The following SRGAP3 variants were observed in gnomAD, a reference collection of about 807,000 sequenced individuals.
The protein encoded by SRGAP3 is SLIT-ROBO Rho GTPase activating protein 3.
Under a neutral mutation model 121.1 loss-of-function variants are expected in SRGAP3, and 39 were observed. That is an observed-to-expected ratio of 0.32 (90% confidence interval 0.25 to 0.42). The LOEUF (loss-of-function observed/expected upper bound fraction) is 0.42, where lower values mean the gene tolerates loss of function less well. Among genes scored for constraint, SRGAP3 ranks in the 10% least tolerant of loss-of-function variants. SRGAP3 has a pLI of 1.00. For synonymous variants in SRGAP3, 601 were observed against 570.0 expected (o/e 1.05, Z -0.77); for missense variants, 1,213 against 1,470.6 (o/e 0.82, Z 2.86).
chr3:9,010,226 C>A (rs761339182), intron 18 of SRGAP3, 82 bp downstream of exon 18: 2 of 1,491,458 alleles, frequency 1.3e-6, no homozygotes, highest in East Asian at 4.6e-5. Flanking sequence ...TCTATGTGGG[C>A]CAGCCCTGTG....
intron 18 of SRGAP3, among the ~76,000 whole-genome samples, chr3:8,997,061 C>T (rs1942450107): frequency 6.6e-6 from 1 of 152,120 alleles, no homozygotes; most frequent in South Asian, 2.1e-4. Context: ...AGAGAAAGCA[C>T]GTGTGTTTGC....
chr3:9,169,406 G>T (rs1950898620), intron 1 of SRGAP3, among the ~76,000 whole-genome samples: 2 of 152,200 alleles, frequency 1.3e-5, no homozygotes, highest in Non-Finnish European at 2.9e-5. Flanking sequence ...AACTGCTCTT[G>T]ATGGGTGAGT....
intron 2 of SRGAP3, among the ~76,000 whole-genome samples, chr3:9,123,732 ATGTGTGTGTGTG>A (rs532602901): frequency 1.4e-5 from 2 of 139,118 alleles, no homozygotes; most frequent in Non-Finnish European, 3.0e-5. Flanking sequence ...ATATGTATAT[ATGTGTGTGTGTG>A]TGTGTGTGTG....
chr3:8,994,150 G>A (rs1942245150), intron 19 of SRGAP3, 193 bp downstream of exon 19: 1 of 748,114 alleles, frequency 1.3e-6, no homozygotes, highest in African/African-American at 1.7e-5. Context: ...CTCAGAAGGA[G>A]GAATTTGGAT....
intron 1 of SRGAP3, among the ~76,000 whole-genome samples, chr3:9,201,973 T>C (rs1952081844): frequency 1.3e-5 from 2 of 152,066 alleles, no homozygotes; most frequent in African/African-American, 4.8e-5. Context: ...GGCTTCAAAC[T>C]CAGGCCTTTC....
intron 3 of SRGAP3, among the ~76,000 whole-genome samples, chr3:9,309,998 C>T (rs1467730678): frequency 1.3e-5 from 2 of 152,188 alleles, no homozygotes; most frequent in African/African-American, 4.8e-5. Flanking sequence ...AGAGAGGACC[C>T]TGACATCTAC....
At chr3:9,165,682 C>G (rs1249356059) in intron 1 of SRGAP3, among the ~76,000 whole-genome samples, 23 of 152,154 alleles carry the variant, frequency 1.5e-4, no homozygotes, top group Admixed American at 1.5e-3. Flanking sequence ...TCCTCCTCCT[C>G]CTTGCCACCT....
Position 8,985,388 on chromosome 3 carries a change from CAG to C in SRGAP3, c.*129_*130del. 1 of 1,483,584 alleles carries C rather than the reference CAG, an allele frequency of 6.7e-7. No individual in the cohort carries two copies. The highest frequency in any genetic ancestry group is 8.9e-7 in the Non-Finnish European group (1 of 1,122,286). 91.9% of individuals were successfully genotyped at this position (1,483,584 alleles called of 1,614,324 possible). On this transcript the variant is annotated 3_prime_UTR_variant, in exon 22 of 22. Transcript: ENST00000383836. The surrounding 1 kb of genome is among the most constrained non-coding windows in gnomAD (Gnocchi z 5.1). ...CCAGCGCCCGGGCCTCAGCTCTGCA[CAG>C]ACACACCCTCCCAGACGGACCTCTG...
At chr3:9,242,129 T>C (rs2125238160) in intron 1 of SRGAP3, among the ~76,000 whole-genome samples, 1 of 147,432 alleles carries the variant, frequency 6.8e-6, no homozygotes, top group South Asian at 2.2e-4. Flanking sequence ...GAGATTTCTC[T>C]CTCTCCATAA....
chr3:9,121,010 T>C (rs935698190), intron 2 of SRGAP3, among the ~76,000 whole-genome samples: 7 of 152,052 alleles, frequency 4.6e-5, no homozygotes, highest in Non-Finnish European at 8.8e-5. Context: ...GGAGGAGCAA[T>C]AGACTCGGAG....
At chr3:9,244,098 G>A (rs187537593) in intron 1 of SRGAP3, among the ~76,000 whole-genome samples, 34 of 152,272 alleles carry the variant, frequency 2.2e-4, no homozygotes, top group Admixed American at 1.6e-3. Context: ...TGAAACCAGC[G>A]AGCATTCCTA....
chr3:8,984,300 C>T lies in SRGAP3; in HGVS notation c.*1219G>A, dbSNP rs1372723357. 1 of 230,396 alleles carries T rather than the reference C, an allele frequency of 4.3e-6. No homozygotes were observed. Among genetic ancestry groups the T allele is most frequent in the Non-Finnish European group, 8.6e-6 (1 of 116,356 alleles). 14.3% of individuals were successfully genotyped at this position (230,396 alleles called of 1,614,324 possible). ...CTGGCCCCAGTCTGAACTGGGCGCT[C>T]ACGGCTCATGCGTTTCATGCAAGAC... On this transcript the variant is annotated 3_prime_UTR_variant, in exon 22 of 22. Coordinates refer to ENST00000383836, the MANE Select transcript of SRGAP3 (RefSeq NM_014850.4).
chr3:9,349,060 G>A lies in SRGAP3; in HGVS notation n.214+13780C>T, dbSNP rs1237639726. 5.2e-6 allele frequency: 5 copies of A among 967,842 alleles called. No homozygotes were observed. The Admixed American group carries it at 8.5e-5, about 17-fold the overall frequency. 60.0% of individuals were successfully genotyped at this position (967,842 alleles called of 1,614,324 possible). A position where few individuals can be genotyped will look rare whatever the true frequency, so the allele number is the denominator to read the frequency against. On this transcript the variant is annotated intron_variant and non_coding_transcript_variant, in intron 1 of 3. Coordinates refer to the SRGAP3 transcript ENST00000490889. ...TCTCTGAAGAGGCTATCATGGAGCT[G>A]AACCTGCCCACTGGTATTCCCGTTG...
At chr3:9,143,511 T>C (rs1272625359) in intron 1 of SRGAP3, among the ~76,000 whole-genome samples, 2 of 152,250 alleles carry the variant, frequency 1.3e-5, no homozygotes, top group South Asian at 2.1e-4. Flanking sequence ...GAATTTTGCA[T>C]TGCAGTTTCC....
intron 3 of SRGAP3, among the ~76,000 whole-genome samples, chr3:9,284,039 T>C (rs1475877687): frequency 3.3e-5 from 5 of 152,124 alleles, no homozygotes; most frequent in African/African-American, 1.2e-4. Flanking sequence ...CAACTAAGGA[T>C]GTGCAACAAA....
At chr3:9,031,325 A>G (rs1382718756) in intron 12 of SRGAP3, among the ~76,000 whole-genome samples, 1 of 152,164 alleles carries the variant, frequency 6.6e-6, no homozygotes, top group African/African-American at 2.4e-5. Flanking sequence ...GAGGATGGAG[A>G]CAGAGGATTC....
intron 2 of SRGAP3, among the ~76,000 whole-genome samples, chr3:9,329,821 A>G (rs568437587): frequency 4.7e-4 from 72 of 152,278 alleles, no homozygotes; most frequent in African/African-American, 1.7e-3. Flanking sequence ...GATCCTGTAC[A>G]TGCCTAATCC....
chr3:9,025,022 T>C (rs929035834), intron 14 of SRGAP3, among the ~76,000 whole-genome samples: 5 of 152,204 alleles, frequency 3.3e-5, no homozygotes, highest in African/African-American at 7.2e-5. Context: ...GTTAACTCTT[T>C]GGCAGGTAAC....
chr3:9,013,836 T>G lies in SRGAP3; in HGVS notation c.1820A>C (p.Glu607Ala), dbSNP rs774754553. 1 of 1,614,164 alleles carries G rather than the reference T, an allele frequency of 6.2e-7. No individual in the cohort carries two copies. Among genetic ancestry groups the G allele is most frequent in the Non-Finnish European group, 8.5e-7 (1 of 1,180,010 alleles). Reference protein sequence around the residue: ...FQDLISTIKLENPAERVHQIQ... With the variant: ...FQDLISTIKLANPAERVHQIQ... ...CTGGTGCACCCTCTCGGCTGGGTTC[T>G]CCAGTTCTGTAACATAAAGGGGCCT... Residue 607 changes from glutamate (E) to alanine (A), a missense_variant, in exon 16 of 22, where the codon GAG becomes GCG. Physicochemically the swap from Glu to Ala is moderately radical, Grantham distance 107. Coordinates refer to ENST00000383836, the MANE Select transcript of SRGAP3 (RefSeq NM_014850.4).
Sources: gnomAD v4.1 joint callset for allele counts (sites outside exome capture counted in the v4.1 genomes callset) on GRCh38, gnomAD v4.1.1 for gene constraint, Gnocchi (gnomAD v3.1) non-coding constraint, MANE v1.5 for transcripts, NCBI Gene and HGNC (gene_info 2026-07-23, HGNC 2026-07-21) for gene names.